Variants in AFF1 observed in about 807,000 individuals in gnomAD.
The protein encoded by AFF1 is AF4/FMR2 family member 1.
Under a neutral mutation model 121.7 loss-of-function variants are expected in AFF1, and 48 were observed. The observed-to-expected ratio is 0.39, with a 90% CI of 0.31 to 0.50. AFF1 has a LOEUF of 0.50. Among genes scored for constraint, AFF1 ranks in the 20% least tolerant of loss-of-function variants. AFF1 has a pLI of 0.76. For missense variants in AFF1, 1,523 were observed against 1,511.7 expected, an observed-to-expected ratio of 1.01 and a Z score of -0.12; for synonymous variants, 613 against 563.0, an observed-to-expected ratio of 1.09 and a Z score of -1.26.
intron 2 of AFF1, among the ~76,000 whole-genome samples, chr4:86,983,552 TA>T (rs1227856546): frequency 1.3e-5 from 2 of 150,920 alleles, no homozygotes; most frequent in African/African-American, 2.4e-5. Context: ...AATTAAAAAA[TA>T]AAAATACTAA....
At chr4:87,035,262 T>A (rs1236563261) in intron 2 of AFF1, among the ~76,000 whole-genome samples, 1 of 151,938 alleles carries the variant, frequency 6.6e-6, no homozygotes, top group Non-Finnish European at 1.5e-5. Flanking sequence ...AAGTACTGCT[T>A]GAAATACTCA....
intron 2 of AFF1, among the ~76,000 whole-genome samples, chr4:86,952,035 T>A (rs1273918884): frequency 6.6e-6 from 1 of 152,118 alleles, no homozygotes; most frequent in Non-Finnish European, 1.5e-5. Context: ...ATCACAGTCT[T>A]GGGTCTGTTG....
chr4:87,043,517 T>A (rs1730367429), intron 2 of AFF1, among the ~76,000 whole-genome samples: 1 of 152,216 alleles, frequency 6.6e-6, no homozygotes, highest in Admixed American at 6.5e-5. Context: ...ATATGATCTT[T>A]TGAACCAACA....
intron 2 of AFF1, chr4:87,007,057 G>T: frequency 8.3e-7 from 1 of 1,198,466 alleles, no homozygotes; most frequent in South Asian, 2.7e-5. Flanking sequence ...GGCGCCGGCG[G>T]TCTTCGAGCG....
At chr4:86,952,503 C>T (rs1721422297) in intron 2 of AFF1, among the ~76,000 whole-genome samples, 1 of 152,004 alleles carries the variant, frequency 6.6e-6, no homozygotes, top group Non-Finnish European at 1.5e-5. Context: ...GATGTTTTAG[C>T]TTAAAACCTA....
intron 2 of AFF1, among the ~76,000 whole-genome samples, chr4:87,042,036 C>T (rs887263001): frequency 1.3e-5 from 2 of 150,414 alleles, no homozygotes; most frequent in African/African-American, 4.9e-5. Flanking sequence ...AAAGTTGCTA[C>T]AGAGTTTGTG....
intron 2 of AFF1, among the ~76,000 whole-genome samples, chr4:87,042,735 C>T (rs1463597647): frequency 3.9e-5 from 6 of 152,118 alleles, no homozygotes; most frequent in African/African-American, 1.4e-4. Flanking sequence ...AACTAGAATC[C>T]TTAATTTAAT....
rs1728244459 is a variant in AFF1 at position 87,126,334 on chromosome 4, A to C, written c.2809A>C (p.Lys937Gln). 1 of 1,613,678 alleles carries C rather than the reference A, an allele frequency of 6.2e-7. No individual in the cohort carries two copies. Among genetic ancestry groups the C allele is most frequent in the Admixed American group, 1.7e-5 (1 of 59,994 alleles). Residue 937 changes from lysine (K) to glutamine (Q), a missense_variant and splice_region_variant, in exon 14 of 21, where the codon AAG (lysine) becomes CAG (glutamine). Coordinates refer to ENST00000395146, the MANE Select transcript of AFF1 (RefSeq NM_001166693.3). ...GGGCTCCAGAAGCTCCTCGGAGCACAAGGTGAGCAGGGGCGGCGGTCACTC... is the reference window on the plus strand; with the variant it reads ...GGGCTCCAGAAGCTCCTCGGAGCACCAGGTGAGCAGGGGCGGCGGTCACTC... Reference protein sequence around the residue: ...GKGSRSSSEHKGSSGDTANPF... With the variant: ...GKGSRSSSEHQGSSGDTANPF...
intron 4 of AFF1, among the ~76,000 whole-genome samples, chr4:87,081,487 A>C (rs1560606544): frequency 6.6e-6 from 1 of 152,138 alleles, no homozygotes; most frequent in African/African-American, 2.4e-5. Context: ...TAAAGAAAAA[A>C]GTATGTATGT....
chr4:86,938,148 A>G (rs988744377), intron 1 of AFF1, among the ~76,000 whole-genome samples: 1 of 152,158 alleles, frequency 6.6e-6, no homozygotes, highest in Non-Finnish European at 1.5e-5. Flanking sequence ...GAGAGAGTGC[A>G]AATTAAGGAA....
At chr4:87,015,961 A>G (rs1381722320) in intron 2 of AFF1, among the ~76,000 whole-genome samples, 2 of 152,206 alleles carry the variant, frequency 1.3e-5, no homozygotes, top group African/African-American at 4.8e-5. Context: ...CAGGCGGATC[A>G]CCTGAGGTCA....
chr4:87,027,784 G>GTTTTTTTTTTTTTTTTTTTTT (rs35903702), intron 2 of AFF1, among the ~76,000 whole-genome samples: 1 of 90,598 alleles, frequency 1.1e-5, no homozygotes, highest in Non-Finnish European at 2.0e-5. Flanking sequence ...TTGCTGTTGG[G>GTTTTTTTTTTTTTTTTTTTTT]TTTTTTTTTT....
chr4:87,127,167 C>A, intron 15 of AFF1, 50 bp downstream of exon 15: 1 of 998,160 alleles, frequency 1.0e-6, no homozygotes, highest in Non-Finnish European at 1.4e-6. Context: ...TGTTTTGCTT[C>A]CCCCCCCCAC....
Position 86,959,728 on chromosome 4 carries a change from G to T in AFF1, c.38+11157G>T, listed in dbSNP as rs148891646. On this transcript the variant is annotated intron_variant, in intron 2 of 20. Transcript: ENST00000395146. ...GAAAGGAGAAAGTCATTCCAGATGG[G>T]ATGGTTTGAAAGCAGAGGTTGGCTT... is the stretch of plus-strand genomic sequence containing the variant. Among the ~76,000 whole-genome samples, 525 of 152,276 alleles carry T rather than the reference G, an allele frequency of 3.4e-3. 2 individuals are homozygous for T. Among genetic ancestry groups the T allele is most frequent in the Middle Eastern group, 0.014 (4 of 294 alleles).
intron 1 of AFF1, among the ~76,000 whole-genome samples, chr4:86,942,629 C>T (rs776302787): frequency 5.9e-5 from 9 of 152,156 alleles, no homozygotes; most frequent in Non-Finnish European, 1.2e-4. Context: ...GATTTACCTG[C>T]TTCCTTTAAA....
rs1728482201 is a variant in AFF1 at position 87,025,870 on chromosome 4, G to A, written c.39-20296G>A. On this transcript the variant is annotated intron_variant, in intron 2 of 20. Transcript: ENST00000395146. ...CAGACCCTAAATCATGCTGGCCCCA[G>A]GTGTCAGTTACTTGACCTGTATTTG... Among the ~76,000 whole-genome samples, 3 of 152,206 alleles carry A rather than the reference G, an allele frequency of 2.0e-5. No homozygotes were observed. The South Asian group carries it at 6.2e-4, about 32-fold the overall frequency.
chr4:87,045,269 G>A (rs1372506030), intron 2 of AFF1, among the ~76,000 whole-genome samples: 1 of 152,220 alleles, frequency 6.6e-6, no homozygotes, highest in Non-Finnish European at 1.5e-5. Flanking sequence ...TTCCCTAGGA[G>A]CAAGTCTGTG....
chr4:86,994,393 TC>T (rs1325365395), intron 2 of AFF1, among the ~76,000 whole-genome samples: 1 of 152,220 alleles, frequency 6.6e-6, no homozygotes, highest in African/African-American at 2.4e-5. Context: ...TGTTCATTGA[TC>T]CTCACTTGCT....
At chr4:87,026,249 T>C (rs1464835100) in intron 2 of AFF1, among the ~76,000 whole-genome samples, 1 of 152,102 alleles carries the variant, frequency 6.6e-6, no homozygotes. Flanking sequence ...AAATTTGCCA[T>C]GCACACCCAG....
Sources: gnomAD v4.1 joint callset for allele counts (sites outside exome capture counted in the v4.1 genomes callset) on GRCh38, gnomAD v4.1.1 for gene constraint, MANE v1.5 for transcripts, NCBI Gene and HGNC (gene_info 2026-07-23, HGNC 2026-07-21) for gene names.